CDYL: variants seen among roughly 807,000 people sequenced by gnomAD.
CDYL encodes the protein chromodomain Y-like protein.
CDYL carries 8 observed loss-of-function variants against 47.3 expected under a neutral mutation model. The ratio of observed to expected loss-of-function variants is 0.17; its 90% CI spans 0.10 to 0.31. CDYL has a LOEUF of 0.31. Ranked by LOEUF, CDYL falls within the 10% of genes least tolerant of loss-of-function variation. CDYL has a pLI of 1.00. For missense variants in CDYL, 471 were observed against 701.4 expected (o/e 0.67, Z 3.71); for synonymous variants, 266 against 265.0 (o/e 1.00, Z -0.04).
intron 2 of CDYL, among the ~76,000 whole-genome samples, chr6:4,934,209 T>C (rs754236749): frequency 2.1e-4 from 32 of 152,152 alleles, no homozygotes; most frequent in East Asian, 5.8e-4. Context: ...CCCAAGTGGC[T>C]AAGAGGGCAG....
At chr6:4,897,287 G>T (rs1374137332) in intron 2 of CDYL, among the ~76,000 whole-genome samples, 5 of 152,100 alleles carry the variant, frequency 3.3e-5, no homozygotes, top group Non-Finnish European at 7.4e-5. Flanking sequence ...TGTGACATAG[G>T]GTTGGCTTTT....
At chr6:4,890,366 G>A (rs571257142) in intron 1 of CDYL, among the ~76,000 whole-genome samples, 6 of 152,172 alleles carry the variant, frequency 3.9e-5, no homozygotes, top group African/African-American at 9.7e-5. Context: ...TACGGACCGC[G>A]TGGACTCGCC....
chr6:4,804,739 G>C (rs1257702650), intron 1 of CDYL, among the ~76,000 whole-genome samples: 1 of 152,212 alleles, frequency 6.6e-6, no homozygotes, highest in Non-Finnish European at 1.5e-5. Flanking sequence ...TCCTACTCAT[G>C]ACCAGTGGTG....
chr6:4,915,362 AT>A (rs1757527799), intron 2 of CDYL, among the ~76,000 whole-genome samples: 1 of 152,214 alleles, frequency 6.6e-6, no homozygotes. Context: ...TGATAAACTT[AT>A]GTGTTTTGAC....
chr6:4,773,822 G>A (rs1758375023), upstream of CDYL, among the ~76,000 whole-genome samples: 1 of 152,160 alleles, frequency 6.6e-6, no homozygotes, highest in African/African-American at 2.4e-5. This position sits in a 1 kb window ranked among gnomAD's most constrained non-coding sequence, Gnocchi z 4.6. Flanking sequence ...GTAGACTAAG[G>A]ATAGCAGCAT....
intron 2 of CDYL, among the ~76,000 whole-genome samples, chr6:4,909,361 A>T (rs948159261): frequency 2.6e-5 from 4 of 152,152 alleles, no homozygotes; most frequent in African/African-American, 9.7e-5. Context: ...GCCGAAAGCC[A>T]TGCCCTCCCC....
At chr6:4,886,423 C>A (rs1761901808) in intron 1 of CDYL, among the ~76,000 whole-genome samples, 1 of 152,198 alleles carries the variant, frequency 6.6e-6, no homozygotes, top group Non-Finnish European at 1.5e-5. Flanking sequence ...ATCCTACCGG[C>A]TGTGAAGTGT....
At chr6:4,879,551 GGTTT>G (rs1240422028) in intron 1 of CDYL, among the ~76,000 whole-genome samples, 2 of 131,438 alleles carry the variant, frequency 1.5e-5, no homozygotes, top group African/African-American at 5.9e-5. Context: ...TTTTTTGTGG[GGTTT>G]TTTTTTTTTT....
intron 3 of CDYL, among the ~76,000 whole-genome samples, chr6:4,738,192 A>G (rs1023757931): frequency 6.6e-6 from 1 of 152,138 alleles, no homozygotes; most frequent in Non-Finnish European, 1.5e-5. Context: ...CCTGGCCAAC[A>G]TGGTGAAACC....
At chr6:4,923,180 C>G (rs960366457) in intron 2 of CDYL, among the ~76,000 whole-genome samples, 3 of 152,162 alleles carry the variant, frequency 2.0e-5, no homozygotes, top group Non-Finnish European at 4.4e-5. Context: ...TTCCTCCGGT[C>G]TAGCTTTAAT....
At position 4,915,408 on chromosome 6, in the gene CDYL, C is replaced by T. The variant is rs544814573; in HGVS notation, c.692-20107C>T. 5.3e-5 allele frequency among the ~76,000 whole-genome samples: 8 copies of T among 152,226 alleles called. No homozygotes were observed. The South Asian group carries it at 1.5e-3, about 28-fold the overall frequency. On this transcript the variant is annotated intron_variant, in intron 2 of 6. Transcript: ENST00000397588. ...GTAAACCAAAAATAGCATTCTAAGC[C>T]CTGCAGCTTGGAATGTGAACTGCCT...
In CDYL at chr6:4,738,549, G is replaced by A. The variant is rs75799344; in HGVS notation, c.186+3705G>A. On this transcript the variant is annotated intron_variant, in intron 3 of 8. Coordinates refer to the CDYL transcript ENST00000328908. The stretch of plus-strand genomic sequence containing the variant: ...ACAAAACCAAGTGTTAGAGAGGATC[G>A]TGGGAAACCAAAGATTCTCATGCAC... Among the ~76,000 whole-genome samples, 505 of 152,298 alleles carry A rather than the reference G, an allele frequency of 3.3e-3. 10 individuals are homozygous for A. The highest frequency in any genetic ancestry group is 0.022 in the Admixed American group (342 of 15,306).
Position 4,745,262 on chromosome 6 carries a change from C to T in CDYL, c.186+10418C>T, listed in dbSNP as rs149127252. ...GGCCTGAGCCACCTCGCCTGGCCTA[C>T]CCCAGCCATACTTTACTAATTTGTA... On this transcript the variant is annotated intron_variant, in intron 3 of 8. Transcript: ENST00000328908. Among the ~76,000 whole-genome samples, 18 of 152,262 alleles carry T rather than the reference C, an allele frequency of 1.2e-4. No individual in the cohort carries two copies. In the East Asian group the frequency reaches 2.5e-3, roughly 21 times the overall value.
At chr6:4,822,332 G>A (rs566047209) in intron 1 of CDYL, among the ~76,000 whole-genome samples, 13 of 151,990 alleles carry the variant, frequency 8.6e-5, no homozygotes, top group African/African-American at 2.4e-4. Flanking sequence ...TCTTTTAAAC[G>A]TAAATATTAT....
intron 5 of CDYL, among the ~76,000 whole-genome samples, chr6:4,944,908 A>G (rs1207252433): frequency 6.6e-6 from 1 of 152,226 alleles, no homozygotes; most frequent in Non-Finnish European, 1.5e-5. Context: ...AGGGGAACAC[A>G]GCCTTCGTCG....
At chr6:4,952,201 G>A in intron 5 of CDYL, 65 bp from the exon 6 acceptor site, 2 of 1,557,368 alleles carry the variant, frequency 1.3e-6, no homozygotes, top group South Asian at 1.2e-5. Context: ...TGGATTTTAA[G>A]GGATGGGTCT....
intron 1 of CDYL, among the ~76,000 whole-genome samples, chr6:4,879,686 G>A (rs183915504): frequency 5.3e-5 from 8 of 151,060 alleles, no homozygotes; most frequent in Admixed American, 5.3e-4. Flanking sequence ...AGCCTCCCAG[G>A]TAGCTGGGAT....
At chr6:4,800,726 C>T (rs1024796872) in intron 1 of CDYL, among the ~76,000 whole-genome samples, 7 of 152,034 alleles carry the variant, frequency 4.6e-5, no homozygotes, top group African/African-American at 1.4e-4. Flanking sequence ...CTTCCTTTTC[C>T]TTCTTCAGTA....
chr6:4,799,446 TTTTTTTTA>T lies in CDYL; in HGVS notation c.24+22654_24+22661del, dbSNP rs1392613356. 1.5e-4 allele frequency among the ~76,000 whole-genome samples: 23 copies of T among 152,272 alleles called. 1 individual carries two copies. In the South Asian group the frequency reaches 3.5e-3, roughly 23 times the overall value. ...GGTATGGTCACATAGGTCTCCCATT[TTTTTTTTA>T]TTTTTTTATTTTTTAGGCAAGGTCT... On this transcript the variant is annotated intron_variant, in intron 1 of 6. Coordinates refer to ENST00000397588, the MANE Select transcript of CDYL (RefSeq NM_004824.4).
Sources: gnomAD v4.1 joint callset for allele counts (sites outside exome capture counted in the v4.1 genomes callset) on GRCh38, gnomAD v4.1.1 for gene constraint, Gnocchi (gnomAD v3.1) non-coding constraint, MANE v1.5 for transcripts, NCBI Gene and HGNC (gene_info 2026-07-23, HGNC 2026-07-21) for gene names.